The following LGALS4 variants were observed in gnomAD, a reference collection of about 807,000 sequenced individuals.
LGALS4 encodes the protein galectin-4.
In LGALS4, 37 loss-of-function variants were observed where a neutral mutation model predicts 39.6. That is an observed-to-expected ratio of 0.93 (90% confidence interval 0.72 to 1.23). The LOEUF is 1.23. Ranked by LOEUF, LGALS4 falls within the 50% of genes most tolerant of loss-of-function variation. LGALS4 has a pLI of 0.00. For missense variants in LGALS4, 397 were observed against 433.2 expected, an observed-to-expected ratio of 0.92 and a Z score of 0.74; for synonymous variants, 160 against 165.5, an observed-to-expected ratio of 0.97 and a Z score of 0.25.
intron 7 of LGALS4, chr19:38,803,255 G>C (rs1284900932): frequency 1.8e-6 from 1 of 556,084 alleles, no homozygotes; most frequent in East Asian, 3.0e-5. Flanking sequence ...CTGACCTCGT[G>C]ATCTGTCCGC....
rs1971504365 is a variant in LGALS4, at chr19:38,812,424, G to T, written c.134+7C>A. ...GCCAGCCCGGCCTGGCTTGGGGAGG[G>T]TCTTACCGCTTCATGTGCTCGCTGG... On this transcript the variant is annotated splice_region_variant and intron_variant, in intron 2 of 9. Transcript: ENST00000307751. The T allele has an allele frequency of 1.2e-6, 2 of 1,613,666 alleles. No homozygotes were observed. Among genetic ancestry groups the T allele is most frequent in the Non-Finnish European group, 1.7e-6 (2 of 1,179,642 alleles).
At chr19:38,808,635 A>T in intron 3 of LGALS4, 109 bp downstream of exon 3, 1 of 898,828 alleles carries the variant, frequency 1.1e-6, no homozygotes, top group Non-Finnish European at 1.7e-6. Flanking sequence ...AAAAAAAAAA[A>T]AAAAAAAAGA....
chr19:38,810,714 T>G (rs1055782874), intron 2 of LGALS4, among the ~76,000 whole-genome samples: 2 of 151,732 alleles, frequency 1.3e-5, no homozygotes, highest in African/African-American at 4.8e-5. Context: ...TGACCTCAGG[T>G]GATCTGCCTG....
Position 38,803,603 on chromosome 19 carries a change from A to G in LGALS4, c.541-52T>C, listed in dbSNP as rs757004064. ...ATTCTCCAAGAGTCGACAGATATCT[A>G]TGACACACCCATTAGACTCCGGCGT... is the stretch of plus-strand genomic sequence containing the variant. On this transcript the variant is annotated intron_variant, in intron 6 of 9. Transcript: ENST00000307751. The G allele has an allele frequency of 2.5e-6, 4 of 1,606,612 alleles. No individual in the cohort carries two copies. In the South Asian group the frequency reaches 3.3e-5, roughly 13 times the overall value.
At chr19:38,801,957 C>G (rs775884503) in intron 9 of LGALS4, 35 bp downstream of exon 9, 7 of 1,613,772 alleles carry the variant, frequency 4.3e-6, no homozygotes, top group Admixed American at 3.3e-5. Flanking sequence ...GACTGAGGCC[C>G]TGGAAGGAAG....
intron 2 of LGALS4, among the ~76,000 whole-genome samples, chr19:38,810,281 A>G (rs1568352962): frequency 6.6e-6 from 1 of 151,484 alleles, no homozygotes; most frequent in Non-Finnish European, 1.5e-5. Flanking sequence ...TCAGGCTCTC[A>G]AGTAGCTGGG....
chr19:38,809,209 T>TGA (rs1279574141), intron 2 of LGALS4, among the ~76,000 whole-genome samples: 9 of 147,476 alleles, frequency 6.1e-5, no homozygotes, highest in Non-Finnish European at 1.3e-4. Flanking sequence ...GATGGAGTCT[T>TGA]GCTCTGTTGC....
At chr19:38,811,119 T>C (rs1289407545) in intron 2 of LGALS4, among the ~76,000 whole-genome samples, 1 of 152,046 alleles carries the variant, frequency 6.6e-6, no homozygotes, top group Non-Finnish European at 1.5e-5. Context: ...CAGGCTGGTC[T>C]TGAACTCCCG....
intron 2 of LGALS4, among the ~76,000 whole-genome samples, chr19:38,809,644 CTTTTTTTTTTTTTT>C (rs66473176): frequency 2.7e-5 from 2 of 74,516 alleles, no homozygotes; most frequent in Non-Finnish European, 4.7e-5. Flanking sequence ...CTATGCCTGG[CTTTTTTTTTTTTTT>C]TTTTTTTTTT....
chr19:38,810,938 G>A (rs974383029), intron 2 of LGALS4, among the ~76,000 whole-genome samples: 2 of 108,992 alleles, frequency 1.8e-5, no homozygotes, highest in Non-Finnish European at 3.5e-5. Context: ...TCTCACTCTT[G>A]TTGCCCAGGC....
chr19:38,807,708 AAGAG>A (rs1971438839), intron 3 of LGALS4, among the ~76,000 whole-genome samples: 1 of 152,184 alleles, frequency 6.6e-6, no homozygotes, highest in Non-Finnish European at 1.5e-5. Flanking sequence ...GGGGAAAAGA[AAGAG>A]AGATCAGATT....
intron 3 of LGALS4, among the ~76,000 whole-genome samples, chr19:38,808,137 TAAATAATAA>T (rs1300161069): frequency 1.4e-5 from 2 of 141,562 alleles, no homozygotes; most frequent in African/African-American, 5.3e-5. Context: ...AATAAATAAA[TAAATAATAA>T]AATAAAATAA....
In LGALS4 at chr19:38,812,430, C is replaced by T. The variant is rs780908648; in HGVS notation, c.134+1G>A. 14 of 1,613,712 alleles carry T rather than the reference C, an allele frequency of 8.7e-6. No homozygotes were observed. In the Admixed American group the frequency reaches 2.3e-4, roughly 27 times the overall value. ...CCGGCCTGGCTTGGGGAGGGTCTTA[C>T]CGCTTCATGTGCTCGCTGGCCACTC... On this transcript the variant is annotated splice_donor_variant, in intron 2 of 9. Coordinates refer to ENST00000307751, the MANE Select transcript of LGALS4 (RefSeq NM_006149.4). LOFTEE classifies it high-confidence loss of function.
chr19:38,811,508 A>T (rs1460619562), intron 2 of LGALS4, among the ~76,000 whole-genome samples: 1 of 151,268 alleles, frequency 6.6e-6, no homozygotes, highest in African/African-American at 2.4e-5. Flanking sequence ...TAAAAATTAA[A>T]TTAGTTGGGC....
At chr19:38,802,948 G>A (rs1431273628) in intron 7 of LGALS4, 4 of 158,804 alleles carry the variant, frequency 2.5e-5, no homozygotes, top group African/African-American at 9.8e-5. Context: ...AAAGGGCTGG[G>A]ATTATAGGCA....
chr19:38,806,451 C>A lies in LGALS4; in HGVS notation c.474+10G>T. The stretch of plus-strand genomic sequence containing the variant: ...AGAAAGGACGCAAGAAGGGATGGGA[C>A]CCCTCACACCTGGGGCCGGAGGGGC... On this transcript the variant is annotated intron_variant, in intron 4 of 9. Transcript: ENST00000307751. 6.2e-7 allele frequency: 1 copy of A among 1,613,760 alleles called. No individual in the cohort carries two copies. Among genetic ancestry groups the A allele is most frequent in the Non-Finnish European group, 8.5e-7 (1 of 1,179,772 alleles).
chr19:38,808,936 G>C lies in LGALS4; in HGVS notation c.147C>G (p.Asn49Lys). ...ASEHMKRFFV[N>K]FVVGQDPGSD... Reference sequence around the variant, plus strand: ...AGCCCGGATCCTGCCCAACCACAAAGTTCACGAAGAACCTGGCGGGACACA... The same window carrying C: ...AGCCCGGATCCTGCCCAACCACAAACTTCACGAAGAACCTGGCGGGACACA... The change falls in exon 3 of 10, where the codon AAC becomes AAG. Residue 49 changes from asparagine to lysine, a missense_variant. Coordinates refer to ENST00000307751, the MANE Select transcript of LGALS4 (RefSeq NM_006149.4). 6.2e-7 allele frequency: 1 copy of C among 1,611,078 alleles called. No homozygotes were observed. The highest frequency in any genetic ancestry group is 8.5e-7 in the Non-Finnish European group (1 of 1,178,520).
At position 38,812,431 on chromosome 19, in the gene LGALS4, C is replaced by T. The variant is rs200046914; in HGVS notation, c.134G>A (p.Arg45Gln). The T allele has an allele frequency of 1.7e-5, 27 of 1,613,792 alleles. No homozygotes were observed. The highest frequency in any genetic ancestry group is 8.9e-5 in the East Asian group (4 of 44,868). Residue 45 changes from arginine to glutamine, a missense_variant and splice_region_variant, in exon 2 of 10, where the codon CGG becomes CAG. Coordinates refer to ENST00000307751, the MANE Select transcript of LGALS4 (RefSeq NM_006149.4). The part of the protein sequence containing the change: ...IQGVASEHMK[R>Q]FFVNFVVGQD... ...CGGCCTGGCTTGGGGAGGGTCTTACCGCTTCATGTGCTCGCTGGCCACTCC... is the reference window on the plus strand; with the variant it reads ...CGGCCTGGCTTGGGGAGGGTCTTACTGCTTCATGTGCTCGCTGGCCACTCC...
chr19:38,812,495 G>A lies in LGALS4; in HGVS notation c.70C>T (p.Pro24Ser), dbSNP rs778174358. ...GACATTCCCACGTTGAGCCCGCCCG[G>A]GATGGGCTGGTAGTAAGGCAGCGTC... ...NPTLPYYQPIPGGLNVGMSVY... is the reference protein window; with the variant it reads ...NPTLPYYQPISGGLNVGMSVY... The change falls in exon 2 of 10, where the codon CCG (proline) becomes TCG (serine). Residue 24 changes from proline to serine, a missense_variant. Coordinates refer to ENST00000307751, the MANE Select transcript of LGALS4 (RefSeq NM_006149.4). 1.2e-6 allele frequency: 2 copies of A among 1,614,222 alleles called. No homozygotes were observed. Among genetic ancestry groups the A allele is most frequent in the South Asian group, 1.1e-5 (1 of 91,086 alleles).
Sources: allele counts gnomAD v4.1 joint callset (sites outside exome capture counted in the v4.1 genomes callset), GRCh38; gene constraint gnomAD v4.1.1; transcripts MANE v1.5; gene names NCBI Gene and HGNC (gene_info 2026-07-23, HGNC 2026-07-21).